Variants in CPLANE1 observed in about 807,000 individuals in gnomAD.
CPLANE1 encodes ciliogenesis and planar polarity effector complex subunit 1, also known as ciliogenesis and planar polarity effector 1.
A neutral mutation model predicts 362.5 loss-of-function variants in CPLANE1; 263 were observed. The observed-to-expected ratio is 0.73, with a 90% CI of 0.66 to 0.80. The LOEUF is 0.80. Among genes scored for constraint, CPLANE1 ranks in the 30% least tolerant of loss-of-function variants. The pLI, the probability that CPLANE1 is intolerant of heterozygous loss-of-function variation, is 0.00. For synonymous variants in CPLANE1, 1,212 were observed against 1,302.6 expected, an observed-to-expected ratio of 0.93 and a Z score of 1.50; for missense variants, 3,461 against 3,793.4, an observed-to-expected ratio of 0.91 and a Z score of 2.30.
chr5:37,145,499 T>C lies in CPLANE1; in HGVS notation c.8461+2682A>G, dbSNP rs544102352. Among the ~76,000 whole-genome samples the C allele has an allele frequency of 3.1e-4, 47 of 152,242 alleles. 1 individual carries two copies. The highest frequency in any genetic ancestry group is 3.0e-3 in the Admixed American group (46 of 15,292). ...CAGTGGCTATTCACAGGTGTGATGA[T>C]AGCATACTACAACCTTTAATTCTTG... On this transcript the variant is annotated intron_variant, in intron 43 of 52. Coordinates refer to ENST00000651892, the MANE Select transcript of CPLANE1 (RefSeq NM_001384732.1).
intron 1 of CPLANE1, 46 bp from the exon 2 acceptor site, chr5:37,247,791 A>C (rs1581083064): frequency 7.6e-7 from 1 of 1,317,278 alleles, no homozygotes; most frequent in East Asian, 2.7e-5. Context: ...CATAATATTC[A>C]CTGGGCATTT....
chr5:37,182,035 T>C (rs939525253), intron 26 of CPLANE1, among the ~76,000 whole-genome samples: 2 of 148,704 alleles, frequency 1.3e-5, no homozygotes, highest in African/African-American at 5.0e-5. Context: ...GAGGTTGCAG[T>C]GAGTTGAGAT....
At chr5:37,190,724 A>G (rs1420364578) in intron 21 of CPLANE1, among the ~76,000 whole-genome samples, 2 of 152,182 alleles carry the variant, frequency 1.3e-5, no homozygotes, top group African/African-American at 4.8e-5. Flanking sequence ...TGCATATACT[A>G]TGGTGCACCC....
intron 16 of CPLANE1, chr5:37,210,331 G>C: frequency 7.5e-7 from 1 of 1,336,672 alleles, no homozygotes; most frequent in Non-Finnish European, 1.1e-6. Flanking sequence ...AAACATAAAA[G>C]TATGACTGAG....
At chr5:37,154,042 G>T (rs1210567137) in intron 41 of CPLANE1, 49 bp from the exon 42 acceptor site, 3 of 1,481,484 alleles carry the variant, frequency 2.0e-6, no homozygotes, top group Middle Eastern at 1.8e-4. Flanking sequence ...TTAAAGAAGA[G>T]GTATTATTGA....
chr5:37,245,526 G>C lies in CPLANE1; in HGVS notation c.290C>G (p.Thr97Ser). The C allele has an allele frequency of 6.6e-7, 1 of 1,506,438 alleles. No homozygotes were observed. The highest frequency in any genetic ancestry group is 8.9e-7 in the Non-Finnish European group (1 of 1,124,182). 93.3% of individuals were successfully genotyped at this position (1,506,438 alleles called of 1,614,324 possible). A position where few individuals can be genotyped will look rare whatever the true frequency, so the allele number is the denominator to read the frequency against. The change falls in exon 4 of 53, where the codon ACT (threonine) becomes AGT (serine). Residue 97 changes from threonine to serine, a missense_variant. Physicochemically the swap from Thr to Ser is moderately conservative, Grantham distance 58. Around this residue, in one of 2 missense-constraint regions of CPLANE1, gnomAD observed 3,380 missense variants for 3,666.1 expected, o/e 0.92. Transcript: ENST00000651892. ...CTTAGGCTTTTCAGTTATTGGTATAGTTTTCAAACAATCTTGATCTTTGTT... is the reference window on the plus strand; with the variant it reads ...CTTAGGCTTTTCAGTTATTGGTATACTTTTCAAACAATCTTGATCTTTGTT... ...LWNKDQDCLK[T>S]IPITEKPKEM...
intron 19 of CPLANE1, 128 bp from the exon 20 acceptor site, chr5:37,198,994 G>A (rs2151418692): frequency 1.2e-6 from 1 of 802,846 alleles, no homozygotes; most frequent in East Asian, 2.9e-5. Context: ...CACTTTGGAA[G>A]GCTGAAGCAG....
intron 46 of CPLANE1, among the ~76,000 whole-genome samples, chr5:37,136,759 C>T (rs562897479): frequency 1.3e-5 from 2 of 152,254 alleles, no homozygotes; most frequent in Admixed American, 6.5e-5. Flanking sequence ...CACGTGGAGG[C>T]TGCCAAGGCT....
In CPLANE1 at chr5:37,170,085, C is replaced by G; in HGVS notation, c.6418G>C (p.Glu2140Gln). 6.2e-7 allele frequency: 1 copy of G among 1,614,140 alleles called. No homozygotes were observed. The highest frequency in any genetic ancestry group is 8.5e-7 in the Non-Finnish European group (1 of 1,180,024). Residue 2140 changes from glutamate (E) to glutamine (Q), a missense_variant, in exon 33 of 53, where the codon GAA becomes CAA. Transcript: ENST00000651892. ...TTTTGACCAGATGGGATAGTTCCTT[C>G]ATGGCAGTGTGGGCTGTTCTTGCGA... The part of the protein sequence containing the change: ...EPRKNSPHCH[E>Q]GTIPSGQNST...
At position 37,226,942 on chromosome 5, in the gene CPLANE1, A is replaced by G. The variant is rs1322379430; in HGVS notation, c.1653T>C (p.Asp551=). The G allele has an allele frequency of 6.4e-7, 1 of 1,551,946 alleles. No homozygotes were observed. The highest frequency in any genetic ancestry group is 8.7e-7 in the Non-Finnish European group (1 of 1,147,010). The part of the protein sequence containing the change: ...EGRLEFASMF[D]TIHAKDDSEE... ...CACTATCATCCTTTGCATGTATCGT[A>G]TCAAACATAGATGCAAATTCCAATC... Residue 551 remains aspartate, a synonymous_variant, in exon 12 of 53, where the codon GAT becomes GAC. Transcript: ENST00000651892.
At chr5:37,188,874 TTG>T (rs1784721057) in intron 21 of CPLANE1, among the ~76,000 whole-genome samples, 1 of 152,232 alleles carries the variant, frequency 6.6e-6, no homozygotes, top group Non-Finnish European at 1.5e-5. Context: ...GATTATTTTT[TTG>T]AGACGGAGTC....
At chr5:37,094,426 A>G in the CPLANE1 span, among the ~76,000 whole-genome samples, 5 of 152,246 alleles carry the variant, frequency 3.3e-5, no homozygotes, top group Non-Finnish European at 5.9e-5. Context: ...TCTGGGATAC[A>G]GCAAAGGCAG....
At chr5:37,188,843 T>A (rs2151245708) in intron 21 of CPLANE1, among the ~76,000 whole-genome samples, 1 of 152,308 alleles carries the variant, frequency 6.6e-6, no homozygotes, top group South Asian at 2.1e-4. Flanking sequence ...CTTAATTGTT[T>A]ATTTTTATTT....
At chr5:37,195,079 C>T in intron 21 of CPLANE1, among the ~76,000 whole-genome samples, 1 of 149,888 alleles carries the variant, frequency 6.7e-6, no homozygotes, top group Non-Finnish European at 1.5e-5. Context: ...ATCGGGAACC[C>T]AGGAGGCAGA....
At chr5:37,093,541 T>C in the CPLANE1 span, among the ~76,000 whole-genome samples, 2 of 152,130 alleles carry the variant, frequency 1.3e-5, no homozygotes, top group Non-Finnish European at 1.5e-5. Context: ...TATGGAAGGG[T>C]GTGCAAGATC....
At chr5:37,179,751 A>T (rs965959720) in intron 28 of CPLANE1, among the ~76,000 whole-genome samples, 2 of 152,190 alleles carry the variant, frequency 1.3e-5, no homozygotes, top group Admixed American at 6.5e-5. Context: ...ACAGACCATA[A>T]TTATTATATA....
the CPLANE1 span, among the ~76,000 whole-genome samples, chr5:37,076,298 G>C: frequency 6.6e-6 from 1 of 151,498 alleles, no homozygotes; most frequent in African/African-American, 2.4e-5. Flanking sequence ...GGGCTGGGGG[G>C]AGCAACTGAT....
Position 37,180,888 on chromosome 5 carries a change from CATTT to C in CPLANE1, c.5535_5538del (p.Asn1846ValfsTer10), listed in dbSNP as rs747209986. ...ATATTTTGACAAGATTTATTCTGAC[CATTT>C]CTTTCCTCAGTTCCACCTGGAGTTG... On this transcript the variant is annotated frameshift_variant, in exon 27 of 53. Coordinates refer to ENST00000651892, the MANE Select transcript of CPLANE1 (RefSeq NM_001384732.1). LOFTEE classifies it high-confidence loss of function. 4.3e-6 allele frequency: 7 copies of C among 1,614,016 alleles called. No homozygotes were observed. Among genetic ancestry groups the C allele is most frequent in the Non-Finnish European group, 5.9e-6 (7 of 1,179,964 alleles).
chr5:37,210,685 A>G (rs1792337751), intron 16 of CPLANE1: 1 of 1,569,122 alleles, frequency 6.4e-7, no homozygotes, highest in Non-Finnish European at 8.8e-7. Flanking sequence ...TCACTACTAA[A>G]AGAAGAGAGA....
Sources: gnomAD v4.1 joint callset for allele counts (sites outside exome capture counted in the v4.1 genomes callset) on GRCh38, gnomAD v4.1.1 for gene constraint, gnomAD v4.1.1 regional missense constraint, MANE v1.5 for transcripts, NCBI Gene and HGNC (gene_info 2026-07-23, HGNC 2026-07-21) for gene names.